EXD2: variants seen among roughly 807,000 people sequenced by gnomAD.
EXD2 encodes the protein exonuclease 3'-5' domain containing 2, also known as exonuclease 3'-5' domain-containing protein 2.
Under a neutral mutation model 62.5 loss-of-function variants are expected in EXD2, and 40 were observed. The ratio of observed to expected loss-of-function variants is 0.64; its 90% CI spans 0.50 to 0.83. The LOEUF (loss-of-function observed/expected upper bound fraction) is 0.83, where lower values mean the gene tolerates loss of function less well. EXD2 is among the 40% of genes least tolerant of loss of function. The pLI, the probability that EXD2 is intolerant of heterozygous loss-of-function variation, is 0.00. For synonymous variants in EXD2, 239 were observed against 291.9 expected (o/e 0.82, Z 1.85); for missense variants, 671 against 761.8 (o/e 0.88, Z 1.40).
At chr14:69,204,961 A>G (rs952683277) in intron 2 of EXD2, among the ~76,000 whole-genome samples, 3 of 152,224 alleles carry the variant, frequency 2.0e-5, no homozygotes, top group African/African-American at 2.4e-5. Flanking sequence ...TGGACAGACA[A>G]TGAATGAACC....
chr14:69,203,636 G>A (rs2042485190), intron 1 of EXD2, among the ~76,000 whole-genome samples: 1 of 152,212 alleles, frequency 6.6e-6, no homozygotes, highest in African/African-American at 2.4e-5. Context: ...AACTGCCTCT[G>A]AAGGTGATGA....
intron 2 of EXD2, among the ~76,000 whole-genome samples, chr14:69,206,075 C>T (rs1281213570): frequency 6.6e-6 from 1 of 152,016 alleles, no homozygotes; most frequent in East Asian, 1.9e-4. Flanking sequence ...TGCACCACCA[C>T]ACCTGGCTAA....
Position 69,235,085 on chromosome 14 carries a change from G to A in EXD2, c.1049+54G>A, listed in dbSNP as rs2043729856. The A allele has an allele frequency of 6.1e-6, 9 of 1,468,884 alleles. No individual in the cohort carries two copies. The South Asian group carries it at 1.0e-4, about 16-fold the overall frequency. The allele number at this position is 1,468,884 out of a possible 1,614,324, so 91.0% of individuals were successfully genotyped here. A position where few individuals can be genotyped will look rare whatever the true frequency, so the allele number is the denominator to read the frequency against. On this transcript the variant is annotated intron_variant, in intron 6 of 9. Transcript: ENST00000685843. Reference sequence around the variant, plus strand: ...GAGTCAGTGGCCCAGCCTTAGCAAAGGGTTTGATGCTTCCCTGGGGTCTGG... The same window carrying A: ...GAGTCAGTGGCCCAGCCTTAGCAAAAGGTTTGATGCTTCCCTGGGGTCTGG...
In EXD2 at chr14:69,219,208, T is replaced by A. The variant is rs1427273826; in HGVS notation, c.333+9405T>A. Among the ~76,000 whole-genome samples the A allele has an allele frequency of 4.6e-5, 7 of 152,234 alleles. No homozygotes were observed. In the South Asian group the frequency reaches 1.4e-3, roughly 31 times the overall value. ...TTGAGCAGTGGTTTGTAGTTCTCCT[T>A]GAAGAGGTCCTTCACATCCCTTGTA... is the stretch of plus-strand genomic sequence containing the variant. On this transcript the variant is annotated intron_variant, in intron 3 of 9. Coordinates refer to ENST00000685843, the MANE Select transcript of EXD2 (RefSeq NM_001193360.2).
chr14:69,211,565 A>G (rs796982130), intron 3 of EXD2, among the ~76,000 whole-genome samples: 70 of 151,374 alleles, frequency 4.6e-4, no homozygotes, highest in African/African-American at 1.6e-3. Context: ...CCCTTACACC[A>G]CAGCTACTGA....
chr14:69,212,899 C>T (rs574001063), intron 3 of EXD2, among the ~76,000 whole-genome samples: 66 of 150,908 alleles, frequency 4.4e-4, no homozygotes, highest in Middle Eastern at 3.4e-3. Flanking sequence ...TTAGTAGAGA[C>T]GGGGTTTTGC....
chr14:69,226,607 G>A (rs2043371504), intron 3 of EXD2, among the ~76,000 whole-genome samples: 1 of 152,118 alleles, frequency 6.6e-6, no homozygotes. Context: ...AATTAGCTGG[G>A]TGTGGTGGCA....
intron 3 of EXD2, among the ~76,000 whole-genome samples, chr14:69,222,687 T>C (rs1056403079): frequency 2.1e-5 from 3 of 145,830 alleles, no homozygotes; most frequent in African/African-American, 7.3e-5. Context: ...ATGAATGATA[T>C]AGAGTGATTG....
intron 3 of EXD2, among the ~76,000 whole-genome samples, chr14:69,222,101 A>G (rs1002055934): frequency 1.3e-5 from 2 of 151,092 alleles, no homozygotes; most frequent in African/African-American, 4.9e-5. Flanking sequence ...AAAAAAAAAA[A>G]TTATTGGCAT....
At chr14:69,233,676 A>G (rs968051656) in intron 5 of EXD2, among the ~76,000 whole-genome samples, 1 of 151,390 alleles carries the variant, frequency 6.6e-6, no homozygotes, top group African/African-American at 2.4e-5. Flanking sequence ...CCTGACCTCA[A>G]GTGATCTACC....
intron 1 of EXD2, among the ~76,000 whole-genome samples, chr14:69,201,942 A>G (rs1458540553): frequency 6.6e-6 from 1 of 151,804 alleles, no homozygotes; most frequent in East Asian, 1.9e-4. Flanking sequence ...TCGGCCTCCC[A>G]AAGTGCTGGG....
intron 1 of EXD2, among the ~76,000 whole-genome samples, chr14:69,192,566 T>C (rs965411969): frequency 6.6e-6 from 1 of 152,120 alleles, no homozygotes; most frequent in African/African-American, 2.4e-5. Flanking sequence ...CAGATCCTCT[T>C]TGATTTTGTT....
At chr14:69,194,547 A>C (rs1017698829) in intron 1 of EXD2, among the ~76,000 whole-genome samples, 2 of 151,784 alleles carry the variant, frequency 1.3e-5, no homozygotes, top group East Asian at 1.9e-4. Flanking sequence ...AGTTTTTGCT[A>C]TGTTGTTCAG....
At chr14:69,220,856 T>C (rs1310635358) in intron 3 of EXD2, among the ~76,000 whole-genome samples, 1 of 151,724 alleles carries the variant, frequency 6.6e-6, no homozygotes, top group African/African-American at 2.4e-5. Flanking sequence ...TCAACAAGAG[T>C]GAAACTCTTT....
Position 69,241,450 on chromosome 14 carries a change from A to C in EXD2, c.*350A>C, listed in dbSNP as rs1434299269. The C allele has an allele frequency of 7.5e-6, 2 of 267,670 alleles. No individual in the cohort carries two copies. The highest frequency in any genetic ancestry group is 1.4e-5 in the Non-Finnish European group (2 of 141,728). 16.6% of individuals were successfully genotyped at this position (267,670 alleles called of 1,614,324 possible). ...GACTTAAAAAAAATGTTTTTAATGC[A>C]TTTCTTCCTTGTCTAGTGCCTCGGT... is the stretch of plus-strand genomic sequence containing the variant. On this transcript the variant is annotated 3_prime_UTR_variant, in exon 10 of 10. Transcript: ENST00000685843.
At position 69,240,812 on chromosome 14, in the gene EXD2, G is replaced by A. The variant is rs2043956095; in HGVS notation, c.1650-72G>A. ...CCTCCCCAGTTACCCTTGGCGCGCA[G>A]CATTTGAAGCTGTCTGTGAGGCCAT... On this transcript the variant is annotated intron_variant, in intron 9 of 9. Transcript: ENST00000685843. 7 of 1,368,202 alleles carry A rather than the reference G, an allele frequency of 5.1e-6. No individual in the cohort carries two copies. In the South Asian group the frequency reaches 7.6e-5, roughly 15 times the overall value. The allele number at this position is 1,368,202 out of a possible 1,614,324, so 84.8% of individuals were successfully genotyped here.
intron 9 of EXD2, among the ~76,000 whole-genome samples, 175 bp downstream of exon 9, chr14:69,238,106 TGAG>T (rs961138876): frequency 3.3e-5 from 5 of 152,244 alleles, no homozygotes; most frequent in African/African-American, 1.2e-4. Context: ...ACAATCTACT[TGAG>T]GAGTTCCTTT....
chr14:69,208,117 C>T (rs1055640787), intron 2 of EXD2, among the ~76,000 whole-genome samples: 1 of 150,926 alleles, frequency 6.6e-6, no homozygotes, highest in Non-Finnish European at 1.5e-5. Context: ...CAGGCTGGAA[C>T]GAACTCCTGA....
At chr14:69,237,361 T>C (rs2140043195) in intron 8 of EXD2, among the ~76,000 whole-genome samples, 1 of 152,320 alleles carries the variant, frequency 6.6e-6, no homozygotes, top group South Asian at 2.1e-4. Flanking sequence ...GCAGGTGGTC[T>C]GTACTTACTT....
Sources: allele counts gnomAD v4.1 joint callset (sites outside exome capture counted in the v4.1 genomes callset), GRCh38; gene constraint gnomAD v4.1.1; transcripts MANE v1.5; gene names NCBI Gene and HGNC (gene_info 2026-07-23, HGNC 2026-07-21).